MACROD2: variants seen among roughly 807,000 people sequenced by gnomAD.
The protein encoded by MACROD2 is ADP-ribose glycohydrolase MACROD2.
Under a neutral mutation model 70.4 loss-of-function variants are expected in MACROD2, and 36 were observed. The ratio of observed to expected loss-of-function variants is 0.51; its 90% CI spans 0.39 to 0.68. MACROD2 has a LOEUF of 0.68. MACROD2 is among the 30% of genes least tolerant of loss of function. MACROD2 has a pLI of 0.00. For missense variants in MACROD2, 496 were observed against 538.4 expected, an observed-to-expected ratio of 0.92 and a Z score of 0.78; for synonymous variants, 172 against 178.8, an observed-to-expected ratio of 0.96 and a Z score of 0.30.
intron 8 of MACROD2, among the ~76,000 whole-genome samples, chr20:15,520,213 C>T (rs766793496): frequency 3.3e-5 from 5 of 152,004 alleles, no homozygotes; most frequent in East Asian, 3.9e-4. Context: ...GGTGGTATCA[C>T]GAAGCTTTTA....
chr20:14,193,731 G>T lies in MACROD2; in HGVS notation c.271+108003G>T, dbSNP rs1168790013. ...GGTGGGAAAGAGAAAAAAATACCCT[G>T]ACCCTTTTCTCTTTTCAACTCCTAA... On this transcript the variant is annotated intron_variant, in intron 3 of 17. Transcript: ENST00000684519. Among the ~76,000 whole-genome samples, 6 of 152,256 alleles carry T rather than the reference G, an allele frequency of 3.9e-5. No individual in the cohort carries two copies. The East Asian group carries it at 7.7e-4, about 20-fold the overall frequency.
intron 5 of MACROD2, among the ~76,000 whole-genome samples, chr20:15,002,924 A>G (rs906104963): frequency 6.6e-6 from 1 of 152,222 alleles, no homozygotes; most frequent in Non-Finnish European, 1.5e-5. Flanking sequence ...AACCAATCCA[A>G]TTAGAAAGTA....
chr20:15,507,243 C>T (rs192183596), intron 8 of MACROD2, among the ~76,000 whole-genome samples: 3 of 149,204 alleles, frequency 2.0e-5, no homozygotes, highest in East Asian at 1.9e-4. Flanking sequence ...CTCTCCCTAC[C>T]GTTCTCTTTC....
chr20:14,906,879 G>A (rs556654468), intron 5 of MACROD2, among the ~76,000 whole-genome samples: 51 of 152,192 alleles, frequency 3.4e-4, no homozygotes, highest in Non-Finnish European at 5.4e-4. Context: ...CATTTTTGGG[G>A]TGCTGAGGTA....
Position 14,360,289 on chromosome 20 carries a change from G to A in MACROD2, c.272-133190G>A, listed in dbSNP as rs146806188. Reference sequence around the variant, plus strand: ...TTTAATTATTCTACCCACAATCAGCGTGTGAGGTAATACATGTGTTAATTA... The same window carrying A: ...TTTAATTATTCTACCCACAATCAGCATGTGAGGTAATACATGTGTTAATTA... On this transcript the variant is annotated intron_variant, in intron 3 of 17. Coordinates refer to ENST00000684519, the MANE Select transcript of MACROD2 (RefSeq NM_001351661.2). Among the ~76,000 whole-genome samples the A allele has an allele frequency of 4.5e-3, 688 of 152,260 alleles. 8 individuals are homozygous for A. Among genetic ancestry groups the A allele is most frequent in the African/African-American group, 0.015 (640 of 41,554 alleles).
intron 3 of MACROD2, chr20:14,327,599 C>A: frequency 5.3e-6 from 7 of 1,315,658 alleles, no homozygotes; most frequent in Middle Eastern, 2.1e-4. Context: ...AACAATAAGG[C>A]CAGCATACTG....
chr20:15,051,939 G>A (rs1477483932), intron 5 of MACROD2, among the ~76,000 whole-genome samples: 1 of 152,044 alleles, frequency 6.6e-6, no homozygotes, highest in African/African-American at 2.4e-5. Flanking sequence ...TTTTAGTAGA[G>A]ACAGGGTTTC....
chr20:15,944,158 T>C (rs1306065920), intron 12 of MACROD2, among the ~76,000 whole-genome samples: 2 of 152,150 alleles, frequency 1.3e-5, no homozygotes, highest in African/African-American at 4.8e-5. Flanking sequence ...TAAATCTTTG[T>C]GCATATCTAT....
chr20:14,924,312 G>A (rs75530193), intron 5 of MACROD2, among the ~76,000 whole-genome samples: 51 of 152,094 alleles, frequency 3.4e-4, no homozygotes, highest in African/African-American at 1.2e-3. Flanking sequence ...GGTGGTACAC[G>A]TCTGTAATCC....
intron 5 of MACROD2, among the ~76,000 whole-genome samples, chr20:14,695,395 C>T (rs952527121): frequency 2.0e-5 from 3 of 152,164 alleles, no homozygotes; most frequent in Admixed American, 6.5e-5. Flanking sequence ...CACTCGAATC[C>T]GGGATCATCT....
intron 4 of MACROD2, among the ~76,000 whole-genome samples, chr20:14,536,096 C>T (rs1002934471): frequency 4.6e-5 from 7 of 152,130 alleles, no homozygotes; most frequent in Non-Finnish European, 8.8e-5. Flanking sequence ...AACTATTTGT[C>T]ATTGGGAGAA....
intron 8 of MACROD2, among the ~76,000 whole-genome samples, chr20:15,588,907 A>AC (rs1163163671): frequency 2.6e-5 from 4 of 152,262 alleles, no homozygotes; most frequent in African/African-American, 7.2e-5. Flanking sequence ...TCTGCCTGTT[A>AC]CCCAGTTCCA....
At chr20:15,329,321 G>T (rs2077966507) in intron 6 of MACROD2, among the ~76,000 whole-genome samples, 1 of 152,086 alleles carries the variant, frequency 6.6e-6, no homozygotes, top group Non-Finnish European at 1.5e-5. Flanking sequence ...GTATCTGTAG[G>T]TGATTTAGGG....
chr20:15,153,024 T>A (rs2076282366), intron 5 of MACROD2, among the ~76,000 whole-genome samples: 1 of 152,122 alleles, frequency 6.6e-6, no homozygotes. Flanking sequence ...ATTGGTAAGA[T>A]GTTTCTTGGG....
At chr20:14,559,540 T>G (rs982153697) in intron 4 of MACROD2, among the ~76,000 whole-genome samples, 1 of 151,784 alleles carries the variant, frequency 6.6e-6, no homozygotes, top group Non-Finnish European at 1.5e-5. Context: ...GCATTATCTT[T>G]TAACCTCTGT....
intron 13 of MACROD2, among the ~76,000 whole-genome samples, chr20:15,974,232 A>G (rs6105505): frequency 0.017 from 2,624 of 152,284 alleles, 68 homozygotes; most frequent in African/African-American, 0.054. Flanking sequence ...CTGAATCCCA[A>G]CCTCATTCCT....
intron 3 of MACROD2, among the ~76,000 whole-genome samples, chr20:14,244,530 C>G (rs2081954419): frequency 6.6e-6 from 1 of 152,154 alleles, no homozygotes; most frequent in South Asian, 2.1e-4. Flanking sequence ...GATTTGGAAC[C>G]TGGCATGAAG....
rs570126734 is a variant in MACROD2 at position 14,576,511 on chromosome 20, A to G, written c.301+83003A>G. 2.0e-5 allele frequency among the ~76,000 whole-genome samples: 3 copies of G among 152,300 alleles called. No individual in the cohort carries two copies. The South Asian group carries it at 6.2e-4, about 32-fold the overall frequency. Reference sequence around the variant, plus strand: ...CTTTCAATATGCTTCAGAACTGCTAATGGCAAAGTTGCTTTTGGGAACCAG... The same window carrying G: ...CTTTCAATATGCTTCAGAACTGCTAGTGGCAAAGTTGCTTTTGGGAACCAG... On this transcript the variant is annotated intron_variant, in intron 4 of 17. Transcript: ENST00000684519.
intron 3 of MACROD2, among the ~76,000 whole-genome samples, chr20:14,220,524 C>A (rs1245941621): frequency 6.6e-6 from 1 of 152,130 alleles, no homozygotes; most frequent in African/African-American, 2.4e-5. Context: ...TGAATTTGCA[C>A]CCTCCTTCCA....
Sources: gnomAD v4.1 joint callset for allele counts (sites outside exome capture counted in the v4.1 genomes callset) on GRCh38, gnomAD v4.1.1 for gene constraint, MANE v1.5 for transcripts, NCBI Gene and HGNC (gene_info 2026-07-23, HGNC 2026-07-21) for gene names.